The following CAMK1D variants were observed in gnomAD, a reference collection of about 807,000 sequenced individuals.
CAMK1D encodes calcium/calmodulin dependent protein kinase ID, also known as calcium/calmodulin-dependent protein kinase type 1D.
A neutral mutation model predicts 47.7 loss-of-function variants in CAMK1D; 9 were observed. The observed-to-expected ratio is 0.19, with a 90% CI of 0.11 to 0.33. The LOEUF (loss-of-function observed/expected upper bound fraction) is 0.33, where lower values mean the gene tolerates loss of function less well. Ranked by LOEUF, CAMK1D falls within the 10% of genes least tolerant of loss-of-function variation. The pLI is 1.00. For synonymous variants in CAMK1D, 184 were observed against 184.9 expected (o/e 0.99, Z 0.04); for missense variants, 291 against 488.7 (o/e 0.60, Z 3.81).
intron 5 of CAMK1D, among the ~76,000 whole-genome samples, chr10:12,772,297 A>G (rs1489287055): frequency 6.6e-6 from 1 of 152,128 alleles, no homozygotes; most frequent in Non-Finnish European, 1.5e-5. Flanking sequence ...ACTATCGGGA[A>G]TCCCAGACAT....
intron 1 of CAMK1D, among the ~76,000 whole-genome samples, chr10:12,408,204 CAGCCTGG>C (rs754371829): frequency 3.4e-5 from 5 of 149,208 alleles, no homozygotes; most frequent in Non-Finnish European, 5.9e-5. Flanking sequence ...GTCTGTTGCC[CAGCCTGG>C]AGTGCAGTGG....
At chr10:12,452,859 G>T (rs138815042) in intron 1 of CAMK1D, among the ~76,000 whole-genome samples, 1 of 152,074 alleles carries the variant, frequency 6.6e-6, no homozygotes, top group Non-Finnish European at 1.5e-5. Context: ...GAGCCACCGC[G>T]CCTGGCCCAT....
chr10:12,584,351 C>T (rs777087116), intron 2 of CAMK1D, among the ~76,000 whole-genome samples: 2 of 152,082 alleles, frequency 1.3e-5, no homozygotes, highest in East Asian at 3.9e-4. Flanking sequence ...TGTGATGACT[C>T]GGAGGAGGAG....
intron 3 of CAMK1D, among the ~76,000 whole-genome samples, chr10:12,714,220 C>A (rs1834034545): frequency 1.3e-5 from 2 of 152,112 alleles, no homozygotes; most frequent in African/African-American, 4.8e-5. Flanking sequence ...CGTCACCCCC[C>A]ACCCCCGTAG....
At chr10:12,648,455 CTATT>C (rs926841527) in intron 2 of CAMK1D, among the ~76,000 whole-genome samples, 21 of 152,092 alleles carry the variant, frequency 1.4e-4, no homozygotes, top group African/African-American at 4.1e-4. Flanking sequence ...CTTTCGCTTG[CTATT>C]TATTTATTTA....
chr10:12,787,804 A>G (rs1348714925), intron 5 of CAMK1D, among the ~76,000 whole-genome samples: 2 of 152,066 alleles, frequency 1.3e-5, no homozygotes, highest in African/African-American at 4.8e-5. Flanking sequence ...GTTCGAGACC[A>G]CCCTGCCCAA....
chr10:12,503,580 T>A (rs942172661), intron 1 of CAMK1D, among the ~76,000 whole-genome samples: 3 of 152,116 alleles, frequency 2.0e-5, no homozygotes, highest in African/African-American at 7.2e-5. Context: ...GTGGAGATCT[T>A]ATCACAGAAA....
At chr10:12,515,749 A>G (rs572989200) in intron 1 of CAMK1D, among the ~76,000 whole-genome samples, 1 of 151,396 alleles carries the variant, frequency 6.6e-6, no homozygotes, top group Non-Finnish European at 1.5e-5. Flanking sequence ...AGCTGGGACT[A>G]TAAGCGCCTG....
chr10:12,802,720 C>T (rs1395283593), intron 6 of CAMK1D, among the ~76,000 whole-genome samples: 1 of 152,152 alleles, frequency 6.6e-6, no homozygotes, highest in Non-Finnish European at 1.5e-5. Flanking sequence ...TGGGGTTTCA[C>T]CATGTTGGCC....
chr10:12,797,116 C>A (rs965195807), intron 6 of CAMK1D, among the ~76,000 whole-genome samples: 2 of 152,108 alleles, frequency 1.3e-5, no homozygotes, highest in South Asian at 2.1e-4. Flanking sequence ...CTGTGCTGGT[C>A]TCCAGGCCAC....
chr10:12,797,736 G>A (rs1838255848), intron 6 of CAMK1D, among the ~76,000 whole-genome samples: 3 of 152,116 alleles, frequency 2.0e-5, no homozygotes, highest in African/African-American at 7.2e-5. Context: ...TCTCTGCCGA[G>A]TCCATCCTGG....
chr10:12,487,699 T>G (rs1182283187), intron 1 of CAMK1D, among the ~76,000 whole-genome samples: 2 of 152,238 alleles, frequency 1.3e-5, no homozygotes, highest in Non-Finnish European at 2.9e-5. Context: ...GGGGCTTTTG[T>G]CCTCAGAAAG....
intron 3 of CAMK1D, among the ~76,000 whole-genome samples, chr10:12,731,649 C>G (rs1004199816): frequency 5.9e-5 from 9 of 152,130 alleles, no homozygotes; most frequent in African/African-American, 2.2e-4. Flanking sequence ...CAGCAGTGAT[C>G]AGCTGTGGAA....
chr10:12,635,842 A>G (rs1839499313), intron 2 of CAMK1D, among the ~76,000 whole-genome samples: 1 of 152,144 alleles, frequency 6.6e-6, no homozygotes, highest in African/African-American at 2.4e-5. Context: ...TTTAAATGAT[A>G]CTCCATTGAG....
At chr10:12,412,781 G>A (rs1394783061) in intron 1 of CAMK1D, among the ~76,000 whole-genome samples, 6 of 151,894 alleles carry the variant, frequency 4.0e-5, no homozygotes, top group South Asian at 4.2e-4. Context: ...GGGGGAGGCC[G>A]TGGTGAAGTG....
chr10:12,442,992 T>C (rs1263585637), intron 1 of CAMK1D, among the ~76,000 whole-genome samples: 1 of 152,240 alleles, frequency 6.6e-6, no homozygotes, highest in Non-Finnish European at 1.5e-5. Flanking sequence ...TCTACTTCTC[T>C]TCTCTCACTA....
rs1255044435 is a variant in CAMK1D at position 12,544,698 on chromosome 10, CTAGTACTAGTGTTGAGTGGA to C, written c.93-8496_93-8477del. Among the ~76,000 whole-genome samples the C allele has an allele frequency of 4.3e-4, 65 of 152,114 alleles. 1 individual carries two copies. Among genetic ancestry groups the C allele is most frequent in the African/African-American group, 1.5e-3 (64 of 41,472 alleles). On this transcript the variant is annotated intron_variant, in intron 1 of 10. Coordinates refer to ENST00000619168, the MANE Select transcript of CAMK1D (RefSeq NM_153498.4). ...AGGAGAAAAGAGATGGTACTGTTTT[CTAGTACTAGTGTTGAGTGGA>C]TAGTACTAGTGTTGAGTGGATAGTA... is the stretch of plus-strand genomic sequence containing the variant.
At chr10:12,749,305 A>G (rs1366476192) in intron 3 of CAMK1D, among the ~76,000 whole-genome samples, 1 of 152,078 alleles carries the variant, frequency 6.6e-6, no homozygotes, top group East Asian at 1.9e-4. Context: ...GCTAGTGCAT[A>G]CTATTAATAC....
intron 1 of CAMK1D, among the ~76,000 whole-genome samples, chr10:12,533,126 C>T (rs1835862311): frequency 6.6e-6 from 1 of 152,098 alleles, no homozygotes. Context: ...GGGATGGGTA[C>T]CCCATTCTCC....
Sources: gnomAD v4.1 joint callset for allele counts (sites outside exome capture counted in the v4.1 genomes callset) on GRCh38, gnomAD v4.1.1 for gene constraint, MANE v1.5 for transcripts, NCBI Gene and HGNC (gene_info 2026-07-23, HGNC 2026-07-21) for gene names.